TRPC4AP: variants seen among roughly 807,000 people sequenced by gnomAD.
The protein encoded by TRPC4AP is short transient receptor potential channel 4-associated protein.
Under a neutral mutation model 99.0 loss-of-function variants are expected in TRPC4AP, and 45 were observed. The observed-to-expected ratio is 0.45, with a 90% CI of 0.36 to 0.58. The LOEUF is 0.58. Ranked by LOEUF, TRPC4AP falls within the 20% of genes least tolerant of loss-of-function variation. The pLI, the probability that TRPC4AP is intolerant of heterozygous loss-of-function variation, is 0.00. For synonymous variants in TRPC4AP, 408 were observed against 385.8 expected, an observed-to-expected ratio of 1.06 and a Z score of -0.67; for missense variants, 879 against 985.3, an observed-to-expected ratio of 0.89 and a Z score of 1.44.
chr20:35,024,824 T>TC (rs201207284), intron 8 of TRPC4AP, among the ~76,000 whole-genome samples: 15,305 of 51,602 alleles, frequency 0.3, 3,616 homozygotes, highest in East Asian at 0.5. Context: ...AGAGACCGTC[T>TC]CAAAAAAAAA....
chr20:35,005,741 A>T lies in TRPC4AP; in HGVS notation c.1890T>A (p.Cys630Ter). 1.9e-6 allele frequency: 3 copies of T among 1,614,196 alleles called. No homozygotes were observed. The highest frequency in any genetic ancestry group is 2.5e-6 in the Non-Finnish European group (3 of 1,180,018). The change falls in exon 16 of 19, where the codon TGT (cysteine) becomes TGA (stop). Residue 630 changes from cysteine (C) to a stop codon, truncating the protein, a stop_gained. Transcript: ENST00000252015. LOFTEE classifies it high-confidence loss of function. ...SLVDSNMLVR[C>*]VTLSLDRFEN... is the part of the protein sequence containing the mutation. Reference sequence around the variant, plus strand: ...CAAATCGGTCCAGGGACAGAGTGACACAGCGCACCAGCATGTTGGAGTCCA... The same window carrying T: ...CAAATCGGTCCAGGGACAGAGTGACTCAGCGCACCAGCATGTTGGAGTCCA...
Position 35,010,455 on chromosome 20 carries a change from A to G in TRPC4AP, c.1410-167T>C, listed in dbSNP as rs1600505226. Among the ~76,000 whole-genome samples, 5 of 152,004 alleles carry G rather than the reference A, an allele frequency of 3.3e-5. No homozygotes were observed. The East Asian group carries it at 7.7e-4, about 24-fold the overall frequency. ...ACTCCAGCCAGCACCTGCAGGAGGG[A>G]ACTCTGGGCTCTCAGGCAGTGGAAT... On this transcript the variant is annotated intron_variant, in intron 11 of 18. Coordinates refer to ENST00000252015, the MANE Select transcript of TRPC4AP (RefSeq NM_015638.3).
chr20:35,068,978 C>CACAAAAAAAAAAA (rs748790693), intron 3 of TRPC4AP, among the ~76,000 whole-genome samples: 1 of 95,212 alleles, frequency 1.1e-5, no homozygotes, highest in African/African-American at 4.0e-5. Context: ...CACACACACA[C>CACAAAAAAAAAAA]AAAAAAAACA....
rs377285273 is a variant in TRPC4AP, at chr20:35,007,644, C to T, written c.1596-4G>A. ...CACAGCCCGAGCTTGCCAAAACCTGCGACCCAAATACTGGCTCAGGTGGCT... is the reference window on the plus strand; with the variant it reads ...CACAGCCCGAGCTTGCCAAAACCTGTGACCCAAATACTGGCTCAGGTGGCT... On this transcript the variant is annotated splice_region_variant and splice_polypyrimidine_tract_variant and intron_variant, in intron 13 of 18. Transcript: ENST00000252015. 1.8e-5 allele frequency: 29 copies of T among 1,614,042 alleles called. No individual in the cohort carries two copies. Among genetic ancestry groups the T allele is most frequent in the South Asian group, 7.7e-5 (7 of 91,090 alleles).
rs1224710308 is a variant in TRPC4AP, at chr20:35,010,179, G to A, written c.1511+8C>T. On this transcript the variant is annotated splice_region_variant and intron_variant, in intron 12 of 18. Transcript: ENST00000252015. Reference sequence around the variant, plus strand: ...GGGCTGAGGGAAAAGCTGCACCCCTGCACTCACCTGTCGGTGTTGAGGACA... The same window carrying A: ...GGGCTGAGGGAAAAGCTGCACCCCTACACTCACCTGTCGGTGTTGAGGACA... The A allele has an allele frequency of 6.2e-7, 1 of 1,613,294 alleles. No individual in the cohort carries two copies. Among genetic ancestry groups the A allele is most frequent in the Non-Finnish European group, 8.5e-7 (1 of 1,179,518 alleles).
At chr20:35,018,842 G>T (rs1464863975) in intron 9 of TRPC4AP, among the ~76,000 whole-genome samples, 1 of 152,126 alleles carries the variant, frequency 6.6e-6, no homozygotes, top group African/African-American at 2.4e-5. Context: ...GGGTTCACAA[G>T]ATAGCTCTGT....
chr20:35,057,836 T>C (rs2083877681), intron 3 of TRPC4AP, among the ~76,000 whole-genome samples: 1 of 152,204 alleles, frequency 6.6e-6, no homozygotes, highest in Non-Finnish European at 1.5e-5. Flanking sequence ...AGGTAATCTC[T>C]GGGATCTAAT....
chr20:35,078,310 T>G, intron 1 of TRPC4AP, 136 bp from the exon 2 acceptor site: 1 of 860,954 alleles, frequency 1.2e-6, no homozygotes, highest in Non-Finnish European at 1.7e-6. Flanking sequence ...ATAAAAAGCC[T>G]CTTTCTATAA....
chr20:35,033,053 C>T (rs1018460084), intron 8 of TRPC4AP, among the ~76,000 whole-genome samples: 2 of 151,854 alleles, frequency 1.3e-5, no homozygotes, highest in Non-Finnish European at 2.9e-5. Context: ...AAAAATTAGC[C>T]GGGTGTGGTG....
At chr20:35,060,378 A>G (rs1600619031) in intron 3 of TRPC4AP, among the ~76,000 whole-genome samples, 1 of 152,030 alleles carries the variant, frequency 6.6e-6, no homozygotes, top group Non-Finnish European at 1.5e-5. Context: ...CTTAAGCCCA[A>G]GAGTATGCAA....
chr20:35,035,235 C>A lies in TRPC4AP; in HGVS notation c.939G>T (p.Thr313=). The change falls in exon 8 of 19, where the codon ACG becomes ACT. Residue 313 remains threonine, a synonymous_variant. Transcript: ENST00000252015. ...KLATRKVSES[T]GTASFLQELE... is the part of the protein sequence containing the mutation. ...ACTCCTGAAGGAAGCTGGCTGTGCC[C>A]GTTGACTCTGACACCTTTCGAGTCG... 1 of 1,614,108 alleles carries A rather than the reference C, an allele frequency of 6.2e-7. No individual in the cohort carries two copies. The highest frequency in any genetic ancestry group is 8.5e-7 in the Non-Finnish European group (1 of 1,180,032).
chr20:35,003,481 A>C lies in TRPC4AP; in HGVS notation c.2185T>G (p.Phe729Val). ...KKYPGFLLNNFHNLLRFWQQH... is the reference protein window; with the variant it reads ...KKYPGFLLNNVHNLLRFWQQH... ...TGCCAGAAGCGCAGCAGGTTGTGGA[A>C]GTTGTTGAGCAGGAAGCCGGGGTAC... The change falls in exon 18 of 19, where the codon TTC becomes GTC. Residue 729 changes from phenylalanine to valine, a missense_variant. This residue lies in a region of TRPC4AP where 224 missense variants were observed against 264.7 expected (regional missense o/e 0.85). Transcript: ENST00000252015. 1 of 1,614,034 alleles carries C rather than the reference A, an allele frequency of 6.2e-7. No individual in the cohort carries two copies. Among genetic ancestry groups the C allele is most frequent in the African/African-American group, 1.3e-5 (1 of 75,044 alleles).
At chr20:35,076,367 G>A (rs1251317358) in intron 2 of TRPC4AP, among the ~76,000 whole-genome samples, 2 of 152,134 alleles carry the variant, frequency 1.3e-5, no homozygotes, top group African/African-American at 4.8e-5. Flanking sequence ...CAGCTTTTCT[G>A]CTCTGGTTTC....
chr20:35,025,046 T>C (rs2082995440), intron 8 of TRPC4AP, among the ~76,000 whole-genome samples: 1 of 152,134 alleles, frequency 6.6e-6, no homozygotes. Context: ...TTTGAGGAAC[T>C]GCTAGACTCT....
chr20:35,020,912 T>C (rs2082870832), intron 9 of TRPC4AP, among the ~76,000 whole-genome samples: 1 of 152,120 alleles, frequency 6.6e-6, no homozygotes, highest in South Asian at 2.1e-4. Flanking sequence ...TTTCAACTCT[T>C]TAGTCTTCAC....
intron 8 of TRPC4AP, among the ~76,000 whole-genome samples, chr20:35,031,982 C>T (rs1357831537): frequency 5.3e-5 from 8 of 152,176 alleles, no homozygotes; most frequent in East Asian, 3.9e-4. Context: ...ACCTCTGCCC[C>T]GGGTTCAATC....
At position 35,049,952 on chromosome 20, in the gene TRPC4AP, C is replaced by A. The variant is rs1388662660; in HGVS notation, c.571G>T (p.Val191Leu). The change falls in exon 6 of 19, where the codon GTG (valine) becomes TTG (leucine). Residue 191 changes from valine to leucine, a missense_variant. Coordinates refer to ENST00000252015, the MANE Select transcript of TRPC4AP (RefSeq NM_015638.3). ...TKRLAEKNDF[V>L]IFLFTLMTSK... ...GTCATCAATGTAAACAGGAAGATCACAAAGTCATTCTTTTCTGCCAAACGC... is the reference window on the plus strand; with the variant it reads ...GTCATCAATGTAAACAGGAAGATCAAAAAGTCATTCTTTTCTGCCAAACGC... 6.2e-7 allele frequency: 1 copy of A among 1,614,012 alleles called. No individual in the cohort carries two copies. The highest frequency in any genetic ancestry group is 8.5e-7 in the Non-Finnish European group (1 of 1,179,960).
At chr20:35,084,675 T>C (rs977313749) in intron 1 of TRPC4AP, among the ~76,000 whole-genome samples, 2 of 125,318 alleles carry the variant, frequency 1.6e-5, no homozygotes, top group Admixed American at 1.6e-4. Flanking sequence ...TGTATATGTA[T>C]ATATGTTTAT....
At chr20:35,035,768 C>T (rs1313512773) in intron 7 of TRPC4AP, among the ~76,000 whole-genome samples, 2 of 152,272 alleles carry the variant, frequency 1.3e-5, no homozygotes, top group South Asian at 2.1e-4. Context: ...TGCATAGACA[C>T]TAAGAATGAT....
Sources: allele counts gnomAD v4.1 joint callset (sites outside exome capture counted in the v4.1 genomes callset), GRCh38; gene constraint gnomAD v4.1.1; regional missense constraint gnomAD v4.1.1; transcripts MANE v1.5; gene names NCBI Gene and HGNC (gene_info 2026-07-23, HGNC 2026-07-21).